The following ZNF385D variants were observed in gnomAD, a reference collection of about 807,000 sequenced individuals.
ZNF385D encodes zinc finger protein 385D.
ZNF385D carries 15 observed loss-of-function variants against 35.8 expected under a neutral mutation model. The observed-to-expected ratio is 0.42, with a 90% CI of 0.28 to 0.64. The LOEUF (loss-of-function observed/expected upper bound fraction) is 0.64, where lower values mean the gene tolerates loss of function less well. ZNF385D is among the 30% of genes least tolerant of loss of function. ZNF385D has a pLI of 0.23. For missense variants in ZNF385D, 474 were observed against 494.6 expected (o/e 0.96, Z 0.39); for synonymous variants, 212 against 186.8 (o/e 1.13, Z -1.10).
At chr3:21,914,876 G>A (rs1700122251) in intron 3 of ZNF385D, among the ~76,000 whole-genome samples, 1 of 151,302 alleles carries the variant, frequency 6.6e-6, no homozygotes, top group Non-Finnish European at 1.5e-5. Flanking sequence ...TTACTTTGAT[G>A]TTTAGCCAAG....
chr3:21,536,995 A>G (rs1428205925), intron 3 of ZNF385D, among the ~76,000 whole-genome samples: 3 of 152,070 alleles, frequency 2.0e-5, no homozygotes, highest in Non-Finnish European at 2.9e-5. Flanking sequence ...TTAATGTAGC[A>G]CTTGTCAAGG....
At chr3:21,843,320 T>C (rs1695795065) in intron 3 of ZNF385D, among the ~76,000 whole-genome samples, 1 of 151,938 alleles carries the variant, frequency 6.6e-6, no homozygotes. Context: ...GGACTTATCA[T>C]CGGCCTAGTC....
intron 3 of ZNF385D, among the ~76,000 whole-genome samples, chr3:21,964,384 C>T (rs1215807601): frequency 9.0e-6 from 1 of 111,706 alleles, no homozygotes; most frequent in Non-Finnish European, 1.7e-5. Flanking sequence ...ATCTTTGTAA[C>T]TACTGGCTCT....
At chr3:22,162,988 G>GC in intron 3 of ZNF385D, among the ~76,000 whole-genome samples, 1 of 152,272 alleles carries the variant, frequency 6.6e-6, no homozygotes, top group Middle Eastern at 3.4e-3. Context: ...AGAGAGTGAG[G>GC]TTAGCCTGTG....
At chr3:21,643,784 G>T (rs2065673981) in intron 2 of ZNF385D, among the ~76,000 whole-genome samples, 1 of 152,100 alleles carries the variant, frequency 6.6e-6, no homozygotes, top group Non-Finnish European at 1.5e-5. Context: ...TAGAACTGTG[G>T]TGTCCAATGC....
chr3:22,172,643 A>G (rs1451847216), intron 2 of ZNF385D, among the ~76,000 whole-genome samples: 1 of 152,174 alleles, frequency 6.6e-6, no homozygotes, highest in Non-Finnish European at 1.5e-5. Context: ...ATTAAGAATC[A>G]AAAGTTGTAG....
Position 21,866,723 on chromosome 3 carries a change from T to A in ZNF385D, c.326-201695A>T, listed in dbSNP as rs569615874. On this transcript the variant is annotated intron_variant, in intron 3 of 5. Transcript: ENST00000494108. ...TGTTTTGGCATAAATAGTAGCTAGA[T>A]GTTATTTTGCCTCTTTTCCCTCCAT... is the stretch of plus-strand genomic sequence containing the variant. Among the ~76,000 whole-genome samples, 4 of 152,294 alleles carry A rather than the reference T, an allele frequency of 2.6e-5. No homozygotes were observed. The East Asian group carries it at 7.8e-4, about 30-fold the overall frequency.
chr3:21,817,223 T>C (rs1377959071), intron 3 of ZNF385D, among the ~76,000 whole-genome samples: 1 of 152,124 alleles, frequency 6.6e-6, no homozygotes, highest in Non-Finnish European at 1.5e-5. Context: ...TGTAAAACCA[T>C]AAAAACTCTA....
At chr3:21,721,254 C>T (rs2125449003) in intron 1 of ZNF385D, among the ~76,000 whole-genome samples, 1 of 152,150 alleles carries the variant, frequency 6.6e-6, no homozygotes, top group African/African-American at 2.4e-5. Flanking sequence ...CCAGTCAGTC[C>T]ATTTAAGATT....
In ZNF385D at chr3:21,842,918, G is replaced by A. The variant is rs561354166; in HGVS notation, c.326-177890C>T. On this transcript the variant is annotated intron_variant, in intron 3 of 5. Transcript: ENST00000494108. ...TGGTAATCTGCCAGACATGGTTGGC[G>A]CACTTCTGAAAATCTATTCTCTTTC... Among the ~76,000 whole-genome samples the A allele has an allele frequency of 9.2e-5, 14 of 152,114 alleles. No individual in the cohort carries two copies. The East Asian group carries it at 1.4e-3, about 15-fold the overall frequency.
At chr3:22,350,825 G>T (rs148254871) in intron 2 of ZNF385D, among the ~76,000 whole-genome samples, 72 of 152,124 alleles carry the variant, frequency 4.7e-4, no homozygotes, top group African/African-American at 1.6e-3. Context: ...ACATTTTAAA[G>T]ATACTGTTAA....
chr3:21,564,535 A>AT lies in ZNF385D; in HGVS notation c.276+38dup, dbSNP rs3841545. 7,620 of 1,122,272 alleles carry AT rather than the reference A, an allele frequency of 6.8e-3. 4 individuals carry two copies. Among genetic ancestry groups the AT allele is most frequent in the South Asian group, 0.028 (1,557 of 56,012 alleles). 69.5% of individuals were successfully genotyped at this position (1,122,272 alleles called of 1,614,324 possible). ...CTGCAAGATTAGAACAGCAAAATGT[A>AT]TTTTTTTTTTTTAAGTGAACACTAA... is the stretch of plus-strand genomic sequence containing the variant. On this transcript the variant is annotated intron_variant, in intron 3 of 7. Transcript: ENST00000281523.
At chr3:21,654,266 A>G (rs1329271079) in intron 2 of ZNF385D, among the ~76,000 whole-genome samples, 2 of 152,034 alleles carry the variant, frequency 1.3e-5, no homozygotes, top group African/African-American at 2.4e-5. Flanking sequence ...ATTAACCACT[A>G]ATTTTATCAT....
intron 3 of ZNF385D, among the ~76,000 whole-genome samples, chr3:21,892,616 T>C (rs73820171): frequency 0.016 from 2,451 of 152,290 alleles, 66 homozygotes; most frequent in African/African-American, 0.056. Flanking sequence ...ACAAGTCCTA[T>C]TTATTTGCAA....
chr3:21,611,373 T>C (rs911939490), intron 2 of ZNF385D, among the ~76,000 whole-genome samples: 124 of 152,278 alleles, frequency 8.1e-4, no homozygotes, highest in Non-Finnish European at 1.6e-3. Context: ...CTGTTCCTAC[T>C]ATGCTACTCC....
chr3:21,572,965 A>G (rs1005862662), intron 2 of ZNF385D, among the ~76,000 whole-genome samples: 1 of 151,666 alleles, frequency 6.6e-6, no homozygotes, highest in Non-Finnish European at 1.5e-5. Flanking sequence ...TTTTTACTCC[A>G]TTTTTTATAT....
chr3:21,748,639 T>C (rs1053788403), intron 1 of ZNF385D, among the ~76,000 whole-genome samples: 11 of 152,266 alleles, frequency 7.2e-5, no homozygotes, highest in Middle Eastern at 6.8e-3. Flanking sequence ...GTCCCTGTTC[T>C]CCCTGACTTG....
At chr3:21,744,086 T>C (rs865865668) in intron 1 of ZNF385D, among the ~76,000 whole-genome samples, 8 of 152,258 alleles carry the variant, frequency 5.3e-5, no homozygotes, top group South Asian at 4.1e-4. Context: ...CTCAGAAGTA[T>C]TGACATAGAG....
At chr3:21,859,432 A>G (rs1177366619) in intron 3 of ZNF385D, among the ~76,000 whole-genome samples, 1 of 151,884 alleles carries the variant, frequency 6.6e-6, no homozygotes, top group Admixed American at 6.6e-5. Context: ...TGAAAACAAT[A>G]AAGGGAAAAC....
Sources: gnomAD v4.1 joint callset for allele counts (sites outside exome capture counted in the v4.1 genomes callset) on GRCh38, gnomAD v4.1.1 for gene constraint, MANE v1.5 for transcripts, NCBI Gene and HGNC (gene_info 2026-07-23, HGNC 2026-07-21) for gene names.